The following HLCS variants were observed in gnomAD, a reference collection of about 807,000 sequenced individuals.
HLCS encodes biotin--protein ligase.
In HLCS, 53 loss-of-function variants were observed where a neutral mutation model predicts 75.0. The observed-to-expected ratio is 0.71, with a 90% CI of 0.57 to 0.89. HLCS has a LOEUF of 0.89. Among genes scored for constraint, HLCS ranks in the 40% least tolerant of loss-of-function variants. The probability of loss-of-function intolerance (pLI) is 0.00; values close to 1 mark genes in which losing one functional copy is unlikely to be tolerated. For missense variants in HLCS, 966 were observed against 1,074.0 expected (o/e 0.90, Z 1.41); for synonymous variants, 431 against 428.6 (o/e 1.01, Z -0.07).
At chr21:36,977,632 G>A (rs1448586185) in intron 1 of HLCS, among the ~76,000 whole-genome samples, 5 of 152,210 alleles carry the variant, frequency 3.3e-5, no homozygotes, top group Admixed American at 2.0e-4. Flanking sequence ...GCCTGTGTGA[G>A]TTGCCGTTTG....
chr21:36,902,800 A>G (rs761199705), intron 5 of HLCS, among the ~76,000 whole-genome samples: 6 of 152,206 alleles, frequency 3.9e-5, no homozygotes, highest in Non-Finnish European at 8.8e-5. Flanking sequence ...ACGGAAGGTC[A>G]GCGACTCTGA....
intron 6 of HLCS, among the ~76,000 whole-genome samples, chr21:36,835,870 G>A (rs1174497519): frequency 6.6e-6 from 1 of 151,894 alleles, no homozygotes; most frequent in Non-Finnish European, 1.5e-5. Flanking sequence ...CTTTCCATGG[G>A]CCCTTTTGTG....
intron 5 of HLCS, among the ~76,000 whole-genome samples, chr21:36,902,505 G>A (rs1340564894): frequency 2.6e-5 from 4 of 152,184 alleles, no homozygotes; most frequent in Admixed American, 6.5e-5. Context: ...ACAGCCATAC[G>A]GGACAGCCTG....
Position 36,966,658 on chromosome 21 carries a change from C to G in HLCS, c.-20G>C. On this transcript the variant is annotated 5_prime_UTR_variant, in exon 1 of 11. Transcript: ENST00000674895. ...GAGCATGGCCGCGCCGCCGGCAGGG[C>G]GAGCCCGCCTTGCCCGCCCGCCCCA... 1.0e-6 allele frequency: 1 copy of G among 974,328 alleles called. No individual in the cohort carries two copies. The highest frequency in any genetic ancestry group is 1.2e-6 in the Non-Finnish European group (1 of 822,902). 60.4% of individuals were successfully genotyped at this position (974,328 alleles called of 1,614,324 possible). A position where few individuals can be genotyped will look rare whatever the true frequency, so the allele number is the denominator to read the frequency against.
intron 6 of HLCS, among the ~76,000 whole-genome samples, chr21:36,779,448 A>G (rs1217248636): frequency 2.0e-5 from 3 of 152,052 alleles, no homozygotes; most frequent in Non-Finnish European, 4.4e-5. Context: ...ATCCAATACC[A>G]CAAGGTTCAT....
intron 6 of HLCS, among the ~76,000 whole-genome samples, chr21:36,859,938 G>A (rs3787764): frequency 0.27 from 40,574 of 152,090 alleles, 6,284 homozygotes; most frequent in African/African-American, 0.43. Context: ...CTGCCTAAGG[G>A]CACACTGGCC....
At chr21:36,822,344 C>T (rs541900548) in intron 6 of HLCS, among the ~76,000 whole-genome samples, 5 of 152,110 alleles carry the variant, frequency 3.3e-5, no homozygotes, top group African/African-American at 7.2e-5. Context: ...TGCTTGAACC[C>T]GGGAGGCAGA....
chr21:36,770,178 C>T (rs2090183509), intron 6 of HLCS, among the ~76,000 whole-genome samples: 1 of 134,310 alleles, frequency 7.4e-6, no homozygotes, highest in South Asian at 2.5e-4. Flanking sequence ...TGCAGTCTCA[C>T]TCTGTCGCCC....
intron 4 of HLCS, among the ~76,000 whole-genome samples, chr21:36,933,569 A>T (rs1208591641): frequency 6.6e-6 from 1 of 151,694 alleles, no homozygotes; most frequent in Non-Finnish European, 1.5e-5. Context: ...AAAAAAAAAA[A>T]AAACAATCTG....
intron 10 of HLCS, among the ~76,000 whole-genome samples, chr21:36,756,224 G>A (rs186525725): frequency 1.3e-5 from 2 of 151,898 alleles, no homozygotes; most frequent in African/African-American, 4.8e-5. Flanking sequence ...AGATCACAAG[G>A]TCAGGAGATC....
chr21:36,839,722 CAT>C (rs34340177), intron 6 of HLCS, among the ~76,000 whole-genome samples: 45,962 of 152,026 alleles, frequency 0.3, 7,281 homozygotes, highest in African/African-American at 0.36. Context: ...ATCCTACACA[CAT>C]GTTTCTGAAA....
chr21:36,792,001 T>C (rs1288737490), intron 6 of HLCS, among the ~76,000 whole-genome samples: 2 of 152,056 alleles, frequency 1.3e-5, no homozygotes, highest in Non-Finnish European at 2.9e-5. Context: ...AAAAACCTCA[T>C]GGCAGTTAGG....
At chr21:36,891,192 C>T (rs1329849263) in intron 6 of HLCS, among the ~76,000 whole-genome samples, 1 of 152,212 alleles carries the variant, frequency 6.6e-6, no homozygotes, top group African/African-American at 2.4e-5. Context: ...CTCCCACTTA[C>T]TGGCTCAAGT....
intron 5 of HLCS, among the ~76,000 whole-genome samples, chr21:36,901,199 T>C (rs2065223319): frequency 6.6e-6 from 1 of 152,032 alleles, no homozygotes; most frequent in Non-Finnish European, 1.5e-5. Context: ...GCTGAGATCA[T>C]GCCACTGCAT....
chr21:36,933,219 A>C (rs909676773), intron 4 of HLCS, among the ~76,000 whole-genome samples: 12 of 152,138 alleles, frequency 7.9e-5, no homozygotes, highest in Admixed American at 4.6e-4. Context: ...TGCTTCCTCC[A>C]AGACTGAGGA....
chr21:36,760,624 A>G (rs2089798517), intron 8 of HLCS, among the ~76,000 whole-genome samples: 2 of 152,024 alleles, frequency 1.3e-5, no homozygotes, highest in Non-Finnish European at 2.9e-5. Context: ...AAAAAAAAAA[A>G]AGAATGCTGT....
At chr21:36,848,824 T>C (rs2835492) in intron 6 of HLCS, among the ~76,000 whole-genome samples, 2,406 of 152,242 alleles carry the variant, frequency 0.016, 66 homozygotes, top group African/African-American at 0.055. Context: ...CTGATTTTTA[T>C]TGCAATATTT....
intron 6 of HLCS, among the ~76,000 whole-genome samples, chr21:36,837,542 ATT>A (rs2062456609): frequency 6.6e-6 from 1 of 152,232 alleles, no homozygotes. Flanking sequence ...TCAAGAGGGA[ATT>A]AATGTTAACT....
At chr21:36,790,756 C>A (rs1341596781) in intron 6 of HLCS, among the ~76,000 whole-genome samples, 1 of 152,162 alleles carries the variant, frequency 6.6e-6, no homozygotes, top group Non-Finnish European at 1.5e-5. Flanking sequence ...GAAGGCAGGT[C>A]AGAAGCTGCT....
Sources: gnomAD v4.1 joint callset for allele counts (sites outside exome capture counted in the v4.1 genomes callset) on GRCh38, gnomAD v4.1.1 for gene constraint, MANE v1.5 for transcripts, NCBI Gene and HGNC (gene_info 2026-07-23, HGNC 2026-07-21) for gene names.